The following GPD2 variants were observed in gnomAD, a reference collection of about 807,000 sequenced individuals.
GPD2 encodes the protein glycerol-3-phosphate dehydrogenase 2, also known as glycerol-3-phosphate dehydrogenase, mitochondrial.
In GPD2, 54 loss-of-function variants were observed where a neutral mutation model predicts 82.4. The observed-to-expected ratio is 0.66, with a 90% CI of 0.53 to 0.82. The LOEUF (loss-of-function observed/expected upper bound fraction) is 0.82, where lower values mean the gene tolerates loss of function less well. Ranked by LOEUF, GPD2 falls within the 40% of genes least tolerant of loss-of-function variation. The pLI is 0.00. For missense variants in GPD2, 748 were observed against 896.2 expected (o/e 0.83, Z 2.11); for synonymous variants, 288 against 306.1 (o/e 0.94, Z 0.62).
intron 6 of GPD2, among the ~76,000 whole-genome samples, chr2:156,520,677 C>T (rs1044070929): frequency 3.9e-5 from 6 of 152,008 alleles, no homozygotes; most frequent in East Asian, 1.9e-4. Flanking sequence ...CTCCACCTCC[C>T]GGGCTCAAGC....
At chr2:156,539,010 G>C (rs1308254213) in intron 6 of GPD2, among the ~76,000 whole-genome samples, 1 of 151,992 alleles carries the variant, frequency 6.6e-6, no homozygotes, top group East Asian at 1.9e-4. Context: ...TCATCTTTTA[G>C]AGTCTCAAGC....
chr2:156,442,745 G>T (rs557736761), intron 1 of GPD2, among the ~76,000 whole-genome samples: 2 of 152,108 alleles, frequency 1.3e-5, no homozygotes, highest in Admixed American at 6.6e-5. Context: ...GCTGCAGTGA[G>T]CCATGATTGC....
At chr2:156,475,816 A>T (rs560205918) in intron 1 of GPD2, among the ~76,000 whole-genome samples, 162 of 152,324 alleles carry the variant, frequency 1.1e-3, no homozygotes, top group African/African-American at 3.6e-3. Context: ...TTTTGACTTT[A>T]TACTGTTTAA....
intron 6 of GPD2, among the ~76,000 whole-genome samples, chr2:156,546,766 T>G (rs1686556408): frequency 6.6e-6 from 1 of 152,212 alleles, no homozygotes; most frequent in South Asian, 2.1e-4. Flanking sequence ...CCCACTTATT[T>G]AACATAAATA....
the GPD2 span, among the ~76,000 whole-genome samples, chr2:156,413,963 A>G: frequency 1.3e-5 from 2 of 152,242 alleles, 1 homozygote; most frequent in Admixed American, 1.3e-4. Context: ...AAATACGAAT[A>G]AAGTGATTTA....
chr2:156,451,755 A>C (rs1682601759), intron 1 of GPD2, among the ~76,000 whole-genome samples: 2 of 143,854 alleles, frequency 1.4e-5, no homozygotes, highest in African/African-American at 2.6e-5. Flanking sequence ...TGACCCCCCC[A>C]CCTCCCTCCC....
Position 156,562,739 on chromosome 2 carries a change from A to G in GPD2, c.1165+5157A>G, listed in dbSNP as rs143455243. ...AAAATATGAATTATAGTTTGAAATA[A>G]TCACATCATACTTAATTTTTTCAAT... On this transcript the variant is annotated intron_variant, in intron 9 of 16. Coordinates refer to ENST00000438166, the MANE Select transcript of GPD2 (RefSeq NM_000408.5). 1.1e-3 allele frequency among the ~76,000 whole-genome samples: 167 copies of G among 152,332 alleles called. 1 individual carries two copies. Among genetic ancestry groups the G allele is most frequent in the African/African-American group, 3.8e-3 (160 of 41,584 alleles).
rs759406397 is a variant in GPD2, at chr2:156,571,237, C to G, written c.1712C>G (p.Pro571Arg). Reference protein sequence around the residue: ...LNVQAAEEALPRIVELMGREL... With the variant: ...LNVQAAEEALRRIVELMGREL... Reference sequence around the variant, plus strand: ...GTCCAGGCAGCAGAGGAAGCCCTACCCAGGATTGTTGAACTGATGGGCAGG... The same window carrying G: ...GTCCAGGCAGCAGAGGAAGCCCTACGCAGGATTGTTGAACTGATGGGCAGG... Residue 571 changes from proline to arginine, a missense_variant, in exon 13 of 17, where the codon CCC (proline) becomes CGC (arginine). Pro to Arg is a moderately radical substitution (Grantham distance 103). Transcript: ENST00000438166. 1 of 1,612,644 alleles carries G rather than the reference C, an allele frequency of 6.2e-7. No individual in the cohort carries two copies. Among genetic ancestry groups the G allele is most frequent in the Non-Finnish European group, 8.5e-7 (1 of 1,178,862 alleles).
intron 3 of GPD2, among the ~76,000 whole-genome samples, chr2:156,508,496 G>A (rs544886557): frequency 1.3e-5 from 2 of 152,194 alleles, no homozygotes; most frequent in South Asian, 4.1e-4. Context: ...GTCTACCATA[G>A]CCTGTAGGAT....
At chr2:156,474,989 C>T (rs989333826) in intron 1 of GPD2, among the ~76,000 whole-genome samples, 3 of 151,734 alleles carry the variant, frequency 2.0e-5, no homozygotes, top group East Asian at 1.9e-4. Context: ...CCATGCATGG[C>T]GGCATGCACT....
intron 1 of GPD2, among the ~76,000 whole-genome samples, chr2:156,453,148 G>C (rs1314264329): frequency 1.3e-5 from 2 of 152,130 alleles, no homozygotes; most frequent in East Asian, 3.8e-4. Context: ...TTTTTCCCAG[G>C]CAGTTTCTTC....
chr2:156,582,724 A>T, intron 16 of GPD2, 69 bp from the exon 17 acceptor site: 28 of 1,557,776 alleles, frequency 1.8e-5, no homozygotes, highest in Non-Finnish European at 2.5e-5. Context: ...AATTCTAACG[A>T]TTATGATGCC....
chr2:156,521,684 C>T (rs1245989089), intron 6 of GPD2, among the ~76,000 whole-genome samples: 1 of 152,110 alleles, frequency 6.6e-6, no homozygotes, highest in Non-Finnish European at 1.5e-5. Context: ...AAAAATATTG[C>T]ACATATGAAC....
At chr2:156,446,986 T>G (rs1484958159) in intron 1 of GPD2, among the ~76,000 whole-genome samples, 2 of 152,240 alleles carry the variant, frequency 1.3e-5, no homozygotes, top group African/African-American at 4.8e-5. Context: ...TTATCCGAAG[T>G]TGATGCTTTC....
the GPD2 span, among the ~76,000 whole-genome samples, chr2:156,412,363 C>G: frequency 6.6e-6 from 1 of 151,074 alleles, no homozygotes; most frequent in Non-Finnish European, 1.5e-5. Flanking sequence ...TGCTTGAACC[C>G]GGGAGGCGGA....
intron 2 of GPD2, among the ~76,000 whole-genome samples, chr2:156,481,939 A>T (rs948846941): frequency 2.6e-5 from 4 of 152,092 alleles, no homozygotes; most frequent in Non-Finnish European, 5.9e-5. Context: ...ACTATAGGTG[A>T]TTTTCTTAAA....
intron 1 of GPD2, among the ~76,000 whole-genome samples, chr2:156,463,904 A>G (rs298252): frequency 0.91 from 138,645 of 152,248 alleles, 64,229 homozygotes; most frequent in South Asian, 1. Flanking sequence ...TTGATACCAA[A>G]CATCTTATGC....
At chr2:156,484,941 T>A (rs1303272662) in intron 2 of GPD2, among the ~76,000 whole-genome samples, 1 of 152,204 alleles carries the variant, frequency 6.6e-6, no homozygotes. Context: ...CACCCTCTGC[T>A]TACCACTATT....
chr2:156,451,923 G>A lies in GPD2; in HGVS notation c.-9+15410G>A, dbSNP rs1267822680. Among the ~76,000 whole-genome samples the A allele has an allele frequency of 3.3e-5, 5 of 151,014 alleles. No homozygotes were observed. In the East Asian group the frequency reaches 7.9e-4, roughly 24 times the overall value. On this transcript the variant is annotated intron_variant, in intron 1 of 16. Transcript: ENST00000438166. ...CTCCTCACCTCCCAGACGGGGTCGC[G>A]GCCGGGCAGAGGCGCTCCTCACATC...
Sources: allele counts gnomAD v4.1 joint callset (sites outside exome capture counted in the v4.1 genomes callset), GRCh38; gene constraint gnomAD v4.1.1; transcripts MANE v1.5; gene names NCBI Gene and HGNC (gene_info 2026-07-23, HGNC 2026-07-21).